Variants in KIF13A observed in about 807,000 individuals in gnomAD.
The protein encoded by KIF13A is kinesin-like protein KIF13A.
Under a neutral mutation model 212.2 loss-of-function variants are expected in KIF13A, and 79 were observed. That is an observed-to-expected ratio of 0.37 (90% CI 0.31 to 0.45). The LOEUF (loss-of-function observed/expected upper bound fraction) is 0.45, where lower values mean the gene tolerates loss of function less well. Among genes scored for constraint, KIF13A ranks in the 20% least tolerant of loss-of-function variants. KIF13A has a pLI of 1.00. For synonymous variants in KIF13A, 789 were observed against 808.6 expected (o/e 0.98, Z 0.41); for missense variants, 1,901 against 2,209.0 (o/e 0.86, Z 2.79).
intron 16 of KIF13A, among the ~76,000 whole-genome samples, chr6:17,822,069 T>TTGCTCTG (rs1257204659): frequency 7.0e-6 from 1 of 143,532 alleles, no homozygotes; most frequent in Non-Finnish European, 1.5e-5. Context: ...TGATGAAGTC[T>TTGCTCTG]TGCTCTGTCA....
chr6:17,862,766 G>A (rs1768935729), intron 4 of KIF13A, among the ~76,000 whole-genome samples: 1 of 152,162 alleles, frequency 6.6e-6, no homozygotes, highest in Admixed American at 6.5e-5. Context: ...GGCTAACATG[G>A]TGAAATCCCA....
rs1230140986 is a variant in KIF13A at position 17,839,212 on chromosome 6, C to T, written c.831-1629G>A. ...CGACTTGACCACTGCACAATCTGTG[C>T]CTGTAACAAAATTGCACTTGTACCC... On this transcript the variant is annotated intron_variant, in intron 9 of 38. Transcript: ENST00000259711. This position sits in a 1 kb window ranked among gnomAD's most constrained non-coding sequence, Gnocchi z 4.3. 2.0e-5 allele frequency among the ~76,000 whole-genome samples: 3 copies of T among 152,168 alleles called. No individual in the cohort carries two copies. Among genetic ancestry groups the T allele is most frequent in the Admixed American group, 2.0e-4 (3 of 15,278 alleles).
At chr6:17,929,949 C>T (rs964513355) in intron 2 of KIF13A, among the ~76,000 whole-genome samples, 3 of 152,162 alleles carry the variant, frequency 2.0e-5, no homozygotes, top group African/African-American at 4.8e-5. Flanking sequence ...CAACAGTCAA[C>T]GGCACAGTTG....
chr6:17,777,260 T>C lies in KIF13A; in HGVS notation c.4170+17A>G, dbSNP rs1315186142. The C allele has an allele frequency of 2.5e-6, 4 of 1,596,072 alleles. No individual in the cohort carries two copies. Among genetic ancestry groups the C allele is most frequent in the Non-Finnish European group, 3.4e-6 (4 of 1,166,624 alleles). On this transcript the variant is annotated intron_variant, in intron 34 of 38. Transcript: ENST00000259711. This position sits in a 1 kb window ranked among gnomAD's most constrained non-coding sequence, Gnocchi z 4.4. ...GACATGTCACATAGGAGCAGATCCT[T>C]GGCAGGATGCACTTACATTATGAAC...
downstream of KIF13A, chr6:17,760,751 TCCAG>T: frequency 1.7e-6 from 2 of 1,191,026 alleles, no homozygotes; most frequent in Middle Eastern, 2.2e-4. Flanking sequence ...TGGTCTGAGG[TCCAG>T]CCAGGCGGCA....
intron 17 of KIF13A, among the ~76,000 whole-genome samples, chr6:17,815,220 C>T (rs929123600): frequency 1.3e-5 from 2 of 152,214 alleles, no homozygotes; most frequent in Admixed American, 1.3e-4. Flanking sequence ...TTACTGCTAT[C>T]GAGAAGGCAG....
At chr6:17,962,667 C>G (rs138205018) in intron 2 of KIF13A, among the ~76,000 whole-genome samples, 1 of 152,178 alleles carries the variant, frequency 6.6e-6, no homozygotes, top group Admixed American at 6.5e-5. Flanking sequence ...CCACAGGCAC[C>G]CGGAGGCAGC....
At chr6:17,952,204 T>A (rs1425821477) in intron 2 of KIF13A, among the ~76,000 whole-genome samples, 3 of 149,558 alleles carry the variant, frequency 2.0e-5, no homozygotes, top group Non-Finnish European at 4.4e-5. Context: ...CTCGGGAGGC[T>A]GAGGCAGGAA....
rs578162063 is a variant in KIF13A, at chr6:17,936,829, T to C, written c.147-38649A>G. 3.3e-5 allele frequency among the ~76,000 whole-genome samples: 5 copies of C among 152,256 alleles called. No homozygotes were observed. In the South Asian group the frequency reaches 1.0e-3, roughly 32 times the overall value. ...GATTTATGTGTTACATTTAAGTGTG[T>C]TTGCATTCCTTTGAAAAAAAAATGA... On this transcript the variant is annotated intron_variant, in intron 2 of 38. Transcript: ENST00000259711.
At chr6:17,851,355 G>C (rs1354331848) in intron 7 of KIF13A, among the ~76,000 whole-genome samples, 4 of 152,174 alleles carry the variant, frequency 2.6e-5, no homozygotes, top group African/African-American at 9.7e-5. Context: ...TAAGTGCAGG[G>C]ATTTGCTTGT....
intron 17 of KIF13A, among the ~76,000 whole-genome samples, chr6:17,813,945 CTGCTT>C (rs1399340382): frequency 1.1e-4 from 15 of 130,898 alleles, no homozygotes; most frequent in African/African-American, 4.2e-4. Context: ...ATGTAAGGTG[CTGCTT>C]TTTTTTTTTT....
intron 9 of KIF13A, among the ~76,000 whole-genome samples, chr6:17,840,520 A>C (rs924906632): frequency 2.0e-5 from 3 of 152,210 alleles, no homozygotes; most frequent in Non-Finnish European, 2.9e-5. Flanking sequence ...CAGTGACTTA[A>C]AAGTCAATAT....
intron 2 of KIF13A, among the ~76,000 whole-genome samples, chr6:17,977,134 A>G (rs1219026582): frequency 6.6e-6 from 1 of 151,004 alleles, no homozygotes; most frequent in Non-Finnish European, 1.5e-5. Flanking sequence ...AAAAAAAAAA[A>G]AAGAAATGCA....
At position 17,987,189 on chromosome 6, in the gene KIF13A, C is replaced by G. The variant is rs767437068; in HGVS notation, c.56-45G>C. The G allele has an allele frequency of 6.9e-7, 1 of 1,458,766 alleles. No individual in the cohort carries two copies. Among genetic ancestry groups the G allele is most frequent in the South Asian group, 1.2e-5 (1 of 80,454 alleles). 90.4% of individuals were successfully genotyped at this position (1,458,766 alleles called of 1,614,324 possible). On this transcript the variant is annotated intron_variant, in intron 1 of 38. Transcript: ENST00000259711. The surrounding 1 kb of genome is among the most constrained non-coding windows in gnomAD (Gnocchi z 7.7). ...GACGTTGCAAAGTCCAGCATCCGCGCCTCCAGCCCGCCCGCCCGCCAGCCG... is the reference window on the plus strand; with the variant it reads ...GACGTTGCAAAGTCCAGCATCCGCGGCTCCAGCCCGCCCGCCCGCCAGCCG...
intron 16 of KIF13A, among the ~76,000 whole-genome samples, chr6:17,819,843 C>CA (rs1764281748): frequency 6.6e-6 from 1 of 152,032 alleles, no homozygotes; most frequent in Non-Finnish European, 1.5e-5. Context: ...ACATATTTCT[C>CA]AAACAGTATA....
rs1280535933 is a variant in KIF13A at position 17,971,932 on chromosome 6, G to C, written c.146+15122C>G. 6.6e-6 allele frequency among the ~76,000 whole-genome samples: 1 copy of C among 152,062 alleles called. No homozygotes were observed. Among genetic ancestry groups the C allele is most frequent in the Non-Finnish European group, 1.5e-5 (1 of 67,992 alleles). Reference sequence around the variant, plus strand: ...GAGAGCTTAAAAAAAATGTCCCTAGGATTACAGTAGACCAGCAATTTTTGA... The same window carrying C: ...GAGAGCTTAAAAAAAATGTCCCTAGCATTACAGTAGACCAGCAATTTTTGA... On this transcript the variant is annotated intron_variant, in intron 2 of 38. Transcript: ENST00000259711. This position sits in a 1 kb window ranked among gnomAD's most constrained non-coding sequence, Gnocchi z 4.2.
chr6:17,973,537 A>C (rs1278115295), intron 2 of KIF13A, among the ~76,000 whole-genome samples: 1 of 152,230 alleles, frequency 6.6e-6, no homozygotes, highest in South Asian at 2.1e-4. Context: ...AATGTATTTC[A>C]GCTCCTATAA....
intron 11 of KIF13A, among the ~76,000 whole-genome samples, chr6:17,835,259 C>CTAGGTG (rs1765845941): frequency 8.1e-6 from 1 of 123,816 alleles, no homozygotes; most frequent in Non-Finnish European, 1.7e-5. Flanking sequence ...AAAGAAAATT[C>CTAGGTG]TAGGTGGACC....
chr6:17,987,368 T>G lies in KIF13A; in HGVS notation c.55+41A>C, dbSNP rs1404279695. ...GCAGTTTCTAAAGTTGCCCCCGCCC[T>G]CAGCCCGAGCAGAAATAAAAAAGAG... On this transcript the variant is annotated intron_variant, in intron 1 of 38. Transcript: ENST00000259711. The surrounding 1 kb of genome is among the most constrained non-coding windows in gnomAD (Gnocchi z 7.7). The G allele has an allele frequency of 7.7e-7, 1 of 1,304,556 alleles. No homozygotes were observed. The highest frequency in any genetic ancestry group is 1.6e-5 in the African/African-American group (1 of 63,098). 80.8% of individuals were successfully genotyped at this position (1,304,556 alleles called of 1,614,324 possible).
Sources: gnomAD v4.1 joint callset for allele counts (sites outside exome capture counted in the v4.1 genomes callset) on GRCh38, gnomAD v4.1.1 for gene constraint, Gnocchi (gnomAD v3.1) non-coding constraint, MANE v1.5 for transcripts, NCBI Gene and HGNC (gene_info 2026-07-23, HGNC 2026-07-21) for gene names.